Variants in CDH18 observed in about 807,000 individuals in gnomAD.
CDH18 encodes cadherin-18.
A neutral mutation model predicts 67.9 loss-of-function variants in CDH18; 31 were observed. The ratio of observed to expected loss-of-function variants is 0.46; its 90% CI spans 0.34 to 0.62. The LOEUF is 0.62. Ranked by LOEUF, CDH18 falls within the 20% of genes least tolerant of loss-of-function variation. The probability of loss-of-function intolerance (pLI) is 0.01; values close to 1 mark genes in which losing one functional copy is unlikely to be tolerated. For missense variants in CDH18, 890 were observed against 975.5 expected, an observed-to-expected ratio of 0.91 and a Z score of 1.17; for synonymous variants, 362 against 347.2, an observed-to-expected ratio of 1.04 and a Z score of -0.48.
chr5:20,530,685 A>C (rs4522997), intron 1 of CDH18, among the ~76,000 whole-genome samples: 9,667 of 152,042 alleles, frequency 0.064, 1,017 homozygotes, highest in African/African-American at 0.21. Flanking sequence ...GCTAGCCATA[A>C]GCAGAAAATT....
At chr5:20,069,901 C>T (rs546069375) in intron 2 of CDH18, among the ~76,000 whole-genome samples, 6 of 152,168 alleles carry the variant, frequency 3.9e-5, no homozygotes, top group South Asian at 2.1e-4. Flanking sequence ...GAAATGATCA[C>T]GGCACCTATA....
intron 2 of CDH18, among the ~76,000 whole-genome samples, chr5:20,211,832 GAACAGA>G (rs1304445712): frequency 2.6e-5 from 4 of 151,420 alleles, no homozygotes; most frequent in African/African-American, 9.7e-5. Flanking sequence ...GGAGAAACCA[GAACAGA>G]AAAGCTGAAA....
intron 1 of CDH18, among the ~76,000 whole-genome samples, chr5:20,437,663 C>T (rs1264275356): frequency 6.6e-6 from 1 of 151,352 alleles, no homozygotes; most frequent in Non-Finnish European, 1.5e-5. Flanking sequence ...GAACGTTCTG[C>T]TGAAAGCAAC....
At chr5:19,903,744 T>C (rs948355515) in intron 2 of CDH18, among the ~76,000 whole-genome samples, 1 of 138,416 alleles carries the variant, frequency 7.2e-6, no homozygotes. Flanking sequence ...GGGAAAAAAA[T>C]AAAAAATGTG....
chr5:20,360,827 A>G lies in CDH18; in HGVS notation c.-579-105322T>C, dbSNP rs546597461. Among the ~76,000 whole-genome samples the G allele has an allele frequency of 6.2e-4, 94 of 152,236 alleles. 1 individual carries two copies. Among genetic ancestry groups the G allele is most frequent in the African/African-American group, 2.0e-3 (84 of 41,540 alleles). ...CTTCTATATACACCTGTGTAAGCCT[A>G]ATTTTTTTTCAATTAGGAAGTATAC... On this transcript the variant is annotated intron_variant, in intron 1 of 14. Transcript: ENST00000507958.
chr5:19,785,680 ATATATATATATATATATAT>A (rs1238226620), intron 3 of CDH18, among the ~76,000 whole-genome samples: 7 of 13,162 alleles, frequency 5.3e-4, no homozygotes, highest in East Asian at 3.2e-3. Flanking sequence ...AAAAAAAAAA[ATATATATATATATATATAT>A]ATATATATAT....
chr5:19,771,804 T>C (rs1432195997), intron 3 of CDH18, among the ~76,000 whole-genome samples: 1 of 152,174 alleles, frequency 6.6e-6, no homozygotes, highest in East Asian at 1.9e-4. Context: ...AACTAAGCTG[T>C]AGTTAGAGAA....
intron 2 of CDH18, among the ~76,000 whole-genome samples, chr5:19,902,167 A>C (rs1201566867): frequency 1.3e-5 from 2 of 152,218 alleles, no homozygotes; most frequent in Non-Finnish European, 2.9e-5. Flanking sequence ...ATAGGGAAGC[A>C]GTCTGTAACG....
In CDH18 at chr5:20,237,500, A is replaced by G. The variant is rs188089034; in HGVS notation, c.-518+17944T>C. ...GCAAGATATAAAATCAAACACAAAGAAAATCCATTTATTTTGTGATATCAA... is the reference window on the plus strand; with the variant it reads ...GCAAGATATAAAATCAAACACAAAGGAAATCCATTTATTTTGTGATATCAA... On this transcript the variant is annotated intron_variant, in intron 2 of 14. Coordinates refer to the CDH18 transcript ENST00000507958. Among the ~76,000 whole-genome samples, 107 of 152,096 alleles carry G rather than the reference A, an allele frequency of 7.0e-4. 1 individual carries two copies. Among genetic ancestry groups the G allele is most frequent in the African/African-American group, 2.4e-3 (100 of 41,568 alleles).
chr5:20,256,539 T>C (rs1050456905), intron 1 of CDH18, among the ~76,000 whole-genome samples: 3 of 151,972 alleles, frequency 2.0e-5, no homozygotes, highest in Non-Finnish European at 4.4e-5. Context: ...ATAAAACACA[T>C]AACAAAAGAG....
At chr5:19,917,523 C>T (rs777089971) in intron 2 of CDH18, among the ~76,000 whole-genome samples, 1 of 152,042 alleles carries the variant, frequency 6.6e-6, no homozygotes, top group Non-Finnish European at 1.5e-5. Context: ...CCTGGTTTTG[C>T]ATGTTTGTGT....
At chr5:20,506,605 A>G (rs1398434200) in intron 1 of CDH18, among the ~76,000 whole-genome samples, 1 of 152,142 alleles carries the variant, frequency 6.6e-6, no homozygotes, top group Non-Finnish European at 1.5e-5. Flanking sequence ...TGACACCATG[A>G]TTTCTGCTTT....
intron 2 of CDH18, among the ~76,000 whole-genome samples, chr5:20,182,597 CAAA>C (rs778083062): frequency 2.1e-5 from 1 of 47,426 alleles, no homozygotes; most frequent in Non-Finnish European, 4.2e-5. Flanking sequence ...AGCTAAATCT[CAAA>C]AAAAAAAAAA....
intron 2 of CDH18, among the ~76,000 whole-genome samples, chr5:19,919,171 C>G (rs371260721): frequency 6.6e-6 from 1 of 152,086 alleles, no homozygotes; most frequent in Non-Finnish European, 1.5e-5. Context: ...GCTGCACCCC[C>G]ACTACACAGA....
chr5:20,162,621 C>T (rs760565227), intron 2 of CDH18, among the ~76,000 whole-genome samples: 1 of 150,832 alleles, frequency 6.6e-6, no homozygotes, highest in Non-Finnish European at 1.5e-5. Flanking sequence ...TAAAGGGAAG[C>T]ATTCCTACAA....
At chr5:19,480,709 T>C (rs1239643865) in intron 12 of CDH18, among the ~76,000 whole-genome samples, 1 of 151,936 alleles carries the variant, frequency 6.6e-6, no homozygotes, top group East Asian at 1.9e-4. Flanking sequence ...TTCCTGACTT[T>C]CCTCTCCACC....
chr5:20,188,466 T>G (rs1580436209), intron 2 of CDH18, among the ~76,000 whole-genome samples: 1 of 152,144 alleles, frequency 6.6e-6, no homozygotes, highest in South Asian at 2.1e-4. Context: ...GCAGCATCAT[T>G]ATTATAATTG....
intron 1 of CDH18, among the ~76,000 whole-genome samples, chr5:20,460,966 A>T (rs1751225408): frequency 6.6e-6 from 1 of 152,162 alleles, no homozygotes; most frequent in Non-Finnish European, 1.5e-5. Context: ...TAGCAATCAC[A>T]TCTCATTTAA....
At position 20,565,735 on chromosome 5, in the gene CDH18, G is replaced by A. The variant is rs139091802; in HGVS notation, c.-580+9727C>T. Among the ~76,000 whole-genome samples the A allele has an allele frequency of 4.3e-3, 618 of 143,470 alleles. 1 individual carries two copies. The highest frequency in any genetic ancestry group is 0.016 in the African/African-American group (594 of 37,794). 94.1% of individuals were successfully genotyped at this position (143,470 alleles called of 152,430 possible). ...CATTCCAGTCTTCCTGAGCCTTTGC[G>A]TTCCTCCTTGTACGTTATGATAAAA... On this transcript the variant is annotated intron_variant, in intron 1 of 14. Coordinates refer to the CDH18 transcript ENST00000507958.
Sources: allele counts gnomAD v4.1 joint callset (sites outside exome capture counted in the v4.1 genomes callset), GRCh38; gene constraint gnomAD v4.1.1; transcripts MANE v1.5; gene names NCBI Gene and HGNC (gene_info 2026-07-23, HGNC 2026-07-21).